STK33: variants seen among roughly 807,000 people sequenced by gnomAD.
The protein encoded by STK33 is serine/threonine kinase 33.
STK33 carries 52 observed loss-of-function variants against 58.0 expected under a neutral mutation model. That is an observed-to-expected ratio of 0.90 (90% confidence interval 0.72 to 1.13). The LOEUF (loss-of-function observed/expected upper bound fraction) is 1.13, where lower values mean the gene tolerates loss of function less well. STK33 is among the 50% of genes most tolerant of loss of function. The pLI, the probability that STK33 is intolerant of heterozygous loss-of-function variation, is 0.00. For synonymous variants in STK33, 215 were observed against 200.1 expected, an observed-to-expected ratio of 1.07 and a Z score of -0.63; for missense variants, 630 against 604.2, an observed-to-expected ratio of 1.04 and a Z score of -0.45.
At chr11:8,564,101 A>C (rs1015319189) in intron 1 of STK33, among the ~76,000 whole-genome samples, 1 of 152,184 alleles carries the variant, frequency 6.6e-6, no homozygotes, top group African/African-American at 2.4e-5. Context: ...TTTATTTGTA[A>C]AATATGACTT....
chr11:8,341,905 C>T, the STK33 span, among the ~76,000 whole-genome samples: 1 of 152,242 alleles, frequency 6.6e-6, no homozygotes, highest in African/African-American at 2.4e-5. Context: ...TTGGGCCCAC[C>T]TGCCAGGCAC....
At chr11:8,585,222 A>C (rs1282262010) in intron 1 of STK33, among the ~76,000 whole-genome samples, 1 of 89,338 alleles carries the variant, frequency 1.1e-5, no homozygotes, top group East Asian at 3.2e-4. Context: ...TGCACCCAGC[A>C]TTTTTTTTTT....
chr11:8,455,947 T>G (rs1946812223), intron 9 of STK33, among the ~76,000 whole-genome samples: 1 of 152,208 alleles, frequency 6.6e-6, no homozygotes, highest in Non-Finnish European at 1.5e-5. Context: ...TTTGGAATTT[T>G]TATTGTTTCC....
At chr11:8,414,853 T>C (rs1445813888) in intron 14 of STK33, among the ~76,000 whole-genome samples, 1 of 152,152 alleles carries the variant, frequency 6.6e-6, no homozygotes, top group East Asian at 1.9e-4. Context: ...TTCCTGCCAG[T>C]CCATAGCAAG....
chr11:8,590,986 A>G (rs552797035), intron 1 of STK33, among the ~76,000 whole-genome samples: 2 of 152,354 alleles, frequency 1.3e-5, no homozygotes, highest in African/African-American at 4.8e-5. Flanking sequence ...AGGTGTTTGA[A>G]GTACTACATA....
At chr11:8,403,847 T>C (rs1938588503) in intron 15 of STK33, among the ~76,000 whole-genome samples, 2 of 152,222 alleles carry the variant, frequency 1.3e-5, no homozygotes, top group Non-Finnish European at 2.9e-5. Context: ...ACTTGTCTGG[T>C]GATAATGGAT....
At chr11:8,463,122 T>C (rs939642247) in intron 7 of STK33, among the ~76,000 whole-genome samples, 1 of 152,196 alleles carries the variant, frequency 6.6e-6, no homozygotes, top group Non-Finnish European at 1.5e-5. Flanking sequence ...CTGCCCATCA[T>C]ACTATGCCCC....
chr11:8,415,668 A>G (rs1167022705), intron 14 of STK33, among the ~76,000 whole-genome samples: 1 of 152,108 alleles, frequency 6.6e-6, no homozygotes, highest in Non-Finnish European at 1.5e-5. Context: ...CTTGATATAG[A>G]TACCAAAGCA....
chr11:8,542,773 C>T (rs1229335121), intron 1 of STK33, among the ~76,000 whole-genome samples: 3 of 152,110 alleles, frequency 2.0e-5, no homozygotes, highest in African/African-American at 7.2e-5. Flanking sequence ...AGTGCAGTGG[C>T]ACGATCTCGG....
At position 8,474,985 on chromosome 11, in the gene STK33, T is replaced by C. The variant is rs536079291; in HGVS notation, c.-80A>G. On this transcript the variant is annotated 5_prime_UTR_variant, in exon 5 of 16. Coordinates refer to ENST00000687296, the MANE Select transcript of STK33 (RefSeq NM_001352389.2). ...GAAAACCAGGCCAAAAAGGATAAGGTAGTTGATGGTGAAAACTGTAATTTC... is the reference window on the plus strand; with the variant it reads ...GAAAACCAGGCCAAAAAGGATAAGGCAGTTGATGGTGAAAACTGTAATTTC... The C allele has an allele frequency of 3.0e-4, 404 of 1,347,100 alleles. 2 individuals are homozygous for C. In the African/African-American group the frequency reaches 5.6e-3, roughly 19 times the overall value. The allele number at this position is 1,347,100 out of a possible 1,614,324, so 83.4% of individuals were successfully genotyped here.
chr11:8,371,726 T>A, the STK33 span, among the ~76,000 whole-genome samples: 1 of 138,562 alleles, frequency 7.2e-6, no homozygotes, highest in Non-Finnish European at 1.6e-5. Context: ...TTTCCCTCCC[T>A]TCTTCTCTCC....
chr11:8,496,244 C>T (rs372331008), intron 1 of STK33, among the ~76,000 whole-genome samples: 2 of 152,154 alleles, frequency 1.3e-5, no homozygotes, highest in South Asian at 2.1e-4. Flanking sequence ...TCAGGAACAA[C>T]TGCAGTTATC....
chr11:8,336,502 C>T, the STK33 span, among the ~76,000 whole-genome samples: 50,082 of 152,172 alleles, frequency 0.33, 9,546 homozygotes, highest in Non-Finnish European at 0.42. Flanking sequence ...TTCTGACTCA[C>T]CCAGCTTCCT....
Position 8,525,799 on chromosome 11 carries a change from C to T in STK33, c.-465-45185G>A, listed in dbSNP as rs184453112. Among the ~76,000 whole-genome samples, 15 of 152,132 alleles carry T rather than the reference C, an allele frequency of 9.9e-5. No homozygotes were observed. In the East Asian group the frequency reaches 2.1e-3, roughly 22 times the overall value. On this transcript the variant is annotated intron_variant, in intron 1 of 15. Coordinates refer to ENST00000687296, the MANE Select transcript of STK33 (RefSeq NM_001352389.2). ...AAAATGGGAAATGACATTTGCAACA[C>T]GTGATAAAGAGCTTATATTTAGAAT...
chr11:8,396,527 C>T (rs1324910667), intron 15 of STK33, among the ~76,000 whole-genome samples: 1 of 152,204 alleles, frequency 6.6e-6, no homozygotes, highest in African/African-American at 2.4e-5. Context: ...GGAACAGCTC[C>T]AGTCTACAGC....
intron 1 of STK33, among the ~76,000 whole-genome samples, chr11:8,572,580 ATTTAT>A (rs1022136871): frequency 6.6e-5 from 10 of 152,206 alleles, no homozygotes; most frequent in East Asian, 1.9e-4. Context: ...AAGATTTTTT[ATTTAT>A]TTTATTTTAT....
Position 8,457,376 on chromosome 11 carries a change from C to G in STK33, c.662G>C (p.Ser221Thr). ...SENETRWIIQ[S>T]LASAIAYLHN... ...AAGATATGCTATAGCTGATGCGAGA[C>G]TTTGAATGATCCACCTTGTCTCATT... Residue 221 changes from serine to threonine, a missense_variant, in exon 9 of 16, where the codon AGT (serine) becomes ACT (threonine). Ser to Thr is a moderately conservative substitution (Grantham distance 58). Coordinates refer to ENST00000687296, the MANE Select transcript of STK33 (RefSeq NM_001352389.2). 1.2e-6 allele frequency: 2 copies of G among 1,605,700 alleles called. No individual in the cohort carries two copies. The highest frequency in any genetic ancestry group is 2.2e-5 in the South Asian group (2 of 89,934).
the STK33 span, among the ~76,000 whole-genome samples, chr11:8,345,148 TA>T: frequency 6.6e-6 from 1 of 152,184 alleles, no homozygotes; most frequent in Non-Finnish European, 1.5e-5. Context: ...CCCAAGGCTC[TA>T]AGCATCTCCA....
At chr11:8,492,945 G>A (rs890569047) in intron 1 of STK33, among the ~76,000 whole-genome samples, 22 of 152,186 alleles carry the variant, frequency 1.4e-4, no homozygotes, top group African/African-American at 5.3e-4. Flanking sequence ...CACATTTAAA[G>A]CAGTGTATAG....
Sources: gnomAD v4.1 joint callset for allele counts (sites outside exome capture counted in the v4.1 genomes callset) on GRCh38, gnomAD v4.1.1 for gene constraint, MANE v1.5 for transcripts, NCBI Gene and HGNC (gene_info 2026-07-23, HGNC 2026-07-21) for gene names.